The following SLC5A4 variants were observed in gnomAD, a reference collection of about 807,000 sequenced individuals.
The protein encoded by SLC5A4 is solute carrier family 5 member 4.
Under a neutral mutation model 70.3 loss-of-function variants are expected in SLC5A4, and 55 were observed. The ratio of observed to expected loss-of-function variants is 0.78; its 90% CI spans 0.63 to 0.98. SLC5A4 has a LOEUF of 0.98. SLC5A4 is among the 50% of genes least tolerant of loss of function. The pLI is 0.00. For missense variants in SLC5A4, 735 were observed against 839.2 expected, an observed-to-expected ratio of 0.88 and a Z score of 1.53; for synonymous variants, 268 against 305.7, an observed-to-expected ratio of 0.88 and a Z score of 1.29.
chr22:32,349,237 TG>T, the SLC5A4 span, among the ~76,000 whole-genome samples: 8,655 of 152,244 alleles, frequency 0.057, 261 homozygotes, highest in South Asian at 0.084. Context: ...CCTCCCAAGG[TG>T]CTGGGATTAC....
the SLC5A4 span, among the ~76,000 whole-genome samples, chr22:32,335,662 CCCAGGCGGCCCCAGAGCCCATTGTT>C: frequency 6.6e-5 from 10 of 152,196 alleles, no homozygotes; most frequent in Non-Finnish European, 1.5e-4. Context: ...CCAAGCCCAG[CCCAGGCGGCCCCAGAGCCCATTGTT>C]CCTGCCTGCC....
the SLC5A4 span, chr22:32,268,720 G>C: frequency 6.6e-6 from 1 of 152,160 alleles, no homozygotes; most frequent in Non-Finnish European, 1.5e-5. Flanking sequence ...GTTGAATATA[G>C]ACTAGAGATG....
chr22:32,254,305 T>C, intron 1 of SLC5A4, 92 bp from the exon 2 acceptor site: 2 of 843,378 alleles, frequency 2.4e-6, no homozygotes, highest in Non-Finnish European at 4.1e-6. Context: ...GAGGGGTGAC[T>C]TCAGCACTCC....
At chr22:32,256,231 C>T (rs1267706327), upstream of SLC5A4, among the ~76,000 whole-genome samples, 1 of 152,024 alleles carries the variant, frequency 6.6e-6, no homozygotes, top group Non-Finnish European at 1.5e-5. Flanking sequence ...TCACCTGTGA[C>T]TGGGAGGTCA....
chr22:32,265,089 T>C, the SLC5A4 span, among the ~76,000 whole-genome samples: 8 of 152,368 alleles, frequency 5.3e-5, no homozygotes, highest in African/African-American at 1.9e-4. Context: ...TGTTACTCTT[T>C]GGATGATGTA....
chr22:32,326,041 G>A, the SLC5A4 span, among the ~76,000 whole-genome samples: 1 of 152,376 alleles, frequency 6.6e-6, no homozygotes, highest in Non-Finnish European at 1.5e-5. Context: ...TGCAACCTAA[G>A]TGGGAAGGTA....
chr22:32,276,820 T>C, the SLC5A4 span: 2 of 152,190 alleles, frequency 1.3e-5, no homozygotes, highest in African/African-American at 4.8e-5. Context: ...CCTTTTAATT[T>C]TTTTGGCAAA....
the SLC5A4 span, chr22:32,270,647 A>C: frequency 1.4e-6 from 1 of 728,252 alleles, no homozygotes. Context: ...ATCGGGGACA[A>C]CCACTACATT....
chr22:32,354,494 C>T, the SLC5A4 span, among the ~76,000 whole-genome samples: 2,249 of 151,698 alleles, frequency 0.015, 57 homozygotes, highest in African/African-American at 0.052. Flanking sequence ...GAGTAGCACC[C>T]GATAGCGCCC....
the SLC5A4 span, among the ~76,000 whole-genome samples, chr22:32,349,755 T>C: frequency 0.014 from 2,130 of 152,336 alleles, 64 homozygotes; most frequent in African/African-American, 0.048. Context: ...ACAGCACTTC[T>C]AGACAAGATT....
chr22:32,247,261 T>G (rs919952430), intron 5 of SLC5A4, 150 bp downstream of exon 5: 18 of 615,120 alleles, frequency 2.9e-5, no homozygotes, highest in Non-Finnish European at 4.9e-5. Flanking sequence ...ATGAAGACTT[T>G]GAAGAGACAG....
chr22:32,258,039 G>T (rs2145714609), upstream of SLC5A4, among the ~76,000 whole-genome samples: 1 of 151,946 alleles, frequency 6.6e-6, no homozygotes, highest in Non-Finnish European at 1.5e-5. Context: ...AGGCTGGAGG[G>T]TGGTGGTACA....
intron 2 of SLC5A4, among the ~76,000 whole-genome samples, chr22:32,253,246 G>GTGCAGAGGGGAAGATACAGCCTCTGC (rs1927279059): frequency 6.6e-6 from 1 of 152,164 alleles, no homozygotes; most frequent in African/African-American, 2.4e-5. Flanking sequence ...CACTCTCCAG[G>GTGCAGAGGGGAAGATACAGCCTCTGC]TGCAGAGGGG....
the SLC5A4 span, among the ~76,000 whole-genome samples, chr22:32,319,525 C>G: frequency 6.6e-6 from 1 of 152,212 alleles, no homozygotes; most frequent in Non-Finnish European, 1.5e-5. Context: ...AGCTTGCTAA[C>G]TGCAGACCTT....
Position 32,225,803 on chromosome 22 carries a change from G to A in SLC5A4, c.1301C>T (p.Thr434Ile). 6.2e-7 allele frequency: 1 copy of A among 1,603,204 alleles called. No individual in the cohort carries two copies. Among genetic ancestry groups the A allele is most frequent in the Non-Finnish European group, 8.5e-7 (1 of 1,175,200 alleles). ...TGGGACCCACACAATGCTCACAACA[G>A]TTAATAGAAGAACAAATATCCTGAG... ...IAGRIFVLLL[T>I]VVSIVWVPLV... is the part of the protein sequence containing the mutation. Residue 434 changes from threonine to isoleucine, a missense_variant, in exon 12 of 15, where the codon ACT becomes ATT. By Grantham distance (89) the Thr-to-Ile change is moderately conservative. Transcript: ENST00000266086.
chr22:32,349,972 T>C, the SLC5A4 span, among the ~76,000 whole-genome samples: 2 of 152,180 alleles, frequency 1.3e-5, no homozygotes, highest in Non-Finnish European at 2.9e-5. Context: ...CCCCAACTAA[T>C]TTCTGATGCC....
chr22:32,221,554 T>C (rs536529134), intron 13 of SLC5A4, among the ~76,000 whole-genome samples: 1 of 152,360 alleles, frequency 6.6e-6, no homozygotes, highest in East Asian at 1.9e-4. Context: ...GCTATACCAT[T>C]ATTTTAAACT....
the SLC5A4 span, among the ~76,000 whole-genome samples, chr22:32,345,943 T>C: frequency 6.6e-6 from 1 of 152,182 alleles, no homozygotes; most frequent in African/African-American, 2.4e-5. Flanking sequence ...AGTTCTTCCT[T>C]TTCTCCAAGA....
chr22:32,252,086 C>T (rs138951184), intron 2 of SLC5A4, among the ~76,000 whole-genome samples: 7,178 of 151,936 alleles, frequency 0.047, 191 homozygotes, highest in Middle Eastern at 0.079. Flanking sequence ...AAAAATCAGC[C>T]GGGCGTGGTG....
Sources: allele counts gnomAD v4.1 joint callset (sites outside exome capture counted in the v4.1 genomes callset), GRCh38; gene constraint gnomAD v4.1.1; transcripts MANE v1.5; gene names NCBI Gene and HGNC (gene_info 2026-07-23, HGNC 2026-07-21).